GRIP1: variants seen among roughly 807,000 people sequenced by gnomAD.
The protein encoded by GRIP1 is glutamate receptor interacting protein 1.
In GRIP1, 45 loss-of-function variants were observed where a neutral mutation model predicts 129.9. The ratio of observed to expected loss-of-function variants is 0.35; its 90% CI spans 0.27 to 0.44. GRIP1 has a LOEUF of 0.44. GRIP1 is among the 20% of genes least tolerant of loss of function. The probability of loss-of-function intolerance (pLI) is 1.00; values close to 1 mark genes in which losing one functional copy is unlikely to be tolerated. For missense variants in GRIP1, 1,196 were observed against 1,396.8 expected, an observed-to-expected ratio of 0.86 and a Z score of 2.29; for synonymous variants, 530 against 520.8, an observed-to-expected ratio of 1.02 and a Z score of -0.24.
intron 1 of GRIP1, among the ~76,000 whole-genome samples, chr12:66,860,009 A>C (rs915673455): frequency 6.6e-6 from 1 of 152,108 alleles, no homozygotes; most frequent in Admixed American, 6.6e-5. Context: ...ACTCACATGC[A>C]AGATATAAGT....
At chr12:66,455,626 T>G (rs541333980) in intron 10 of GRIP1, 62 bp from the exon 11 acceptor site, 3 of 1,492,246 alleles carry the variant, frequency 2.0e-6, no homozygotes, top group Non-Finnish European at 1.9e-6. Context: ...CCGCCACACT[T>G]GTCAACCAGT....
chr12:67,046,889 C>T (rs549469136), intron 1 of GRIP1, among the ~76,000 whole-genome samples: 128 of 152,158 alleles, frequency 8.4e-4, no homozygotes, highest in Non-Finnish European at 1.5e-3. Flanking sequence ...TATTATCCTA[C>T]GTAGCCATTT....
chr12:66,746,202 G>T (rs772072282), intron 1 of GRIP1, among the ~76,000 whole-genome samples: 1 of 152,024 alleles, frequency 6.6e-6, no homozygotes, highest in Non-Finnish European at 1.5e-5. Context: ...TGAACTGACT[G>T]GGAGAACTTA....
intron 1 of GRIP1, among the ~76,000 whole-genome samples, chr12:66,841,767 A>AG (rs2039721622): frequency 6.6e-6 from 1 of 152,188 alleles, no homozygotes; most frequent in Non-Finnish European, 1.5e-5. Flanking sequence ...AACCTAAAGA[A>AG]GCCTTTATCG....
At chr12:66,706,335 A>G (rs2035526873) in intron 1 of GRIP1, among the ~76,000 whole-genome samples, 2 of 152,184 alleles carry the variant, frequency 1.3e-5, no homozygotes, top group Admixed American at 1.3e-4. Context: ...AGGCAAATCA[A>G]AACTGCAATA....
chr12:66,426,413 C>T (rs2057988381), intron 14 of GRIP1, among the ~76,000 whole-genome samples: 1 of 151,972 alleles, frequency 6.6e-6, no homozygotes, highest in South Asian at 2.1e-4. Context: ...TTTCATTTCT[C>T]TTAATTTTCA....
intron 1 of GRIP1, among the ~76,000 whole-genome samples, chr12:67,029,186 A>G (rs2042983715): frequency 6.6e-6 from 1 of 152,136 alleles, no homozygotes; most frequent in African/African-American, 2.4e-5. Flanking sequence ...ATCTCAGCTC[A>G]CTGCAACCTC....
At chr12:66,602,629 T>A (rs2064324839) in intron 1 of GRIP1, among the ~76,000 whole-genome samples, 1 of 152,126 alleles carries the variant, frequency 6.6e-6, no homozygotes, top group African/African-American at 2.4e-5. Flanking sequence ...TAGGGAATGA[T>A]CTGAGCTTGA....
intron 1 of GRIP1, among the ~76,000 whole-genome samples, chr12:66,924,555 T>A (rs1379575011): frequency 4.6e-5 from 7 of 152,312 alleles, no homozygotes; most frequent in Admixed American, 2.0e-4. Context: ...AAACTTGGTA[T>A]GGAAATGCAC....
At chr12:66,684,990 G>C (rs2034728081) in intron 1 of GRIP1, among the ~76,000 whole-genome samples, 2 of 152,014 alleles carry the variant, frequency 1.3e-5, no homozygotes, top group Non-Finnish European at 2.9e-5. Context: ...CTTCCCAGTA[G>C]GACACACGTT....
At chr12:66,596,753 T>G (rs2064067022) in intron 2 of GRIP1, 94 bp downstream of exon 2, 1 of 737,560 alleles carries the variant, frequency 1.4e-6, no homozygotes, top group Non-Finnish European at 2.5e-6. Flanking sequence ...TTATTATTAT[T>G]ATTATTATTT....
intron 1 of GRIP1, among the ~76,000 whole-genome samples, chr12:66,979,861 T>C (rs1203977493): frequency 6.6e-5 from 10 of 152,042 alleles, no homozygotes; most frequent in Admixed American, 6.6e-4. Flanking sequence ...CCTTAGAAGC[T>C]AGGAAGAGGC....
intron 11 of GRIP1, among the ~76,000 whole-genome samples, chr12:66,451,158 G>A (rs551601608): frequency 7.9e-5 from 12 of 152,124 alleles, no homozygotes; most frequent in African/African-American, 2.9e-4. Flanking sequence ...CACATGGAGG[G>A]TTCTGTTCAC....
chr12:66,752,746 G>C (rs536987704), intron 1 of GRIP1, among the ~76,000 whole-genome samples: 1 of 152,158 alleles, frequency 6.6e-6, no homozygotes, highest in African/African-American at 2.4e-5. Flanking sequence ...TTAAACACTG[G>C]ATACCTTTGT....
chr12:67,022,625 A>G (rs2042884210), intron 1 of GRIP1, among the ~76,000 whole-genome samples: 1 of 152,154 alleles, frequency 6.6e-6, no homozygotes. Flanking sequence ...TAATTTTAAC[A>G]ATTTGAATAG....
At chr12:66,869,618 CAA>C (rs1401196736) in intron 1 of GRIP1, among the ~76,000 whole-genome samples, 2 of 151,864 alleles carry the variant, frequency 1.3e-5, no homozygotes, top group African/African-American at 4.8e-5. Context: ...AAGAAAATGG[CAA>C]AGAGTTGAGT....
chr12:67,041,502 T>C (rs1027697359), intron 1 of GRIP1, among the ~76,000 whole-genome samples: 1 of 152,104 alleles, frequency 6.6e-6, no homozygotes, highest in Non-Finnish European at 1.5e-5. Context: ...TTAAATCCAA[T>C]GAACTTGGTT....
chr12:66,894,212 A>G (rs12580232), intron 1 of GRIP1, among the ~76,000 whole-genome samples: 33,043 of 152,100 alleles, frequency 0.22, 4,287 homozygotes, highest in East Asian at 0.3. Flanking sequence ...GTAAGTACCC[A>G]TTGGGGTTCA....
intron 7 of GRIP1, among the ~76,000 whole-genome samples, chr12:66,495,402 G>A (rs1157112793): frequency 6.6e-6 from 1 of 152,066 alleles, no homozygotes; most frequent in African/African-American, 2.4e-5. Flanking sequence ...TTTGAGTGTT[G>A]TGAATTATTT....
Sources: allele counts gnomAD v4.1 joint callset (sites outside exome capture counted in the v4.1 genomes callset), GRCh38; gene constraint gnomAD v4.1.1; transcripts MANE v1.5; gene names NCBI Gene and HGNC (gene_info 2026-07-23, HGNC 2026-07-21).